The following ATXN7 variants were observed in gnomAD, a reference collection of about 807,000 sequenced individuals.
The protein encoded by ATXN7 is ataxin 7.
ATXN7 carries 12 observed loss-of-function variants against 70.5 expected under a neutral mutation model. The observed-to-expected ratio is 0.17, with a 90% CI of 0.11 to 0.28. The LOEUF (loss-of-function observed/expected upper bound fraction) is 0.28. Ranked by LOEUF, ATXN7 falls within the 10% of genes least tolerant of loss-of-function variation. The probability of loss-of-function intolerance (pLI) is 1.00; values close to 1 mark genes in which losing one functional copy is unlikely to be tolerated. For missense variants in ATXN7, 1,256 were observed against 1,131.7 expected (o/e 1.11, Z -1.58); for synonymous variants, 498 against 448.7 (o/e 1.11, Z -1.39).
chr3:63,930,098 A>T (rs570431588), intron 4 of ATXN7, among the ~76,000 whole-genome samples: 1 of 152,186 alleles, frequency 6.6e-6, no homozygotes, highest in East Asian at 1.9e-4. Context: ...AACATGAAAA[A>T]TGGGTCTTAA....
chr3:63,868,320 C>G (rs776026796), intron 1 of ATXN7, among the ~76,000 whole-genome samples: 2 of 152,180 alleles, frequency 1.3e-5, no homozygotes, highest in African/African-American at 2.4e-5. Context: ...CCCTGCTTGA[C>G]TCTTCAGTTA....
chr3:63,924,023 G>A (rs77242762), intron 4 of ATXN7, among the ~76,000 whole-genome samples: 3,456 of 152,236 alleles, frequency 0.023, 118 homozygotes, highest in East Asian at 0.14. Flanking sequence ...AATATGTGGA[G>A]GGACTGGCTG....
At chr3:63,943,161 C>T (rs1430541425) in intron 4 of ATXN7, among the ~76,000 whole-genome samples, 1 of 152,186 alleles carries the variant, frequency 6.6e-6, no homozygotes, top group African/African-American at 2.4e-5. Flanking sequence ...GAGCTCAAGC[C>T]TAGAGCCAGG....
At chr3:63,917,388 T>G (rs1470928245) in intron 4 of ATXN7, among the ~76,000 whole-genome samples, 1 of 152,236 alleles carries the variant, frequency 6.6e-6, no homozygotes, top group Non-Finnish European at 1.5e-5. Context: ...ATGTTTAGAT[T>G]GAATTAATTG....
intron 11 of ATXN7, among the ~76,000 whole-genome samples, chr3:63,995,013 C>T: frequency 6.6e-6 from 1 of 152,194 alleles, no homozygotes; most frequent in Non-Finnish European, 1.5e-5. Flanking sequence ...TGCACCCTTC[C>T]TTTTCTCTCA....
At position 63,998,576 on chromosome 3, in the gene ATXN7, A is replaced by G. The variant is rs966360953; in HGVS notation, c.2662-874A>G. Reference sequence around the variant, plus strand: ...AATCAGTTAAAATCAGTTTCCACTTAAGTTTGTGTTTGAGAGAGATTTTCT... The same window carrying G: ...AATCAGTTAAAATCAGTTTCCACTTGAGTTTGTGTTTGAGAGAGATTTTCT... On this transcript the variant is annotated intron_variant, in intron 12 of 12. Transcript: ENST00000674280. 4 of 985,174 alleles carry G rather than the reference A, an allele frequency of 4.1e-6. No homozygotes were observed. In the African/African-American group the frequency reaches 7.0e-5, roughly 17 times the overall value. 61.0% of individuals were successfully genotyped at this position (985,174 alleles called of 1,614,324 possible).
At chr3:63,971,345 G>C (rs969285837) in intron 5 of ATXN7, among the ~76,000 whole-genome samples, 3 of 152,252 alleles carry the variant, frequency 2.0e-5, no homozygotes, top group Non-Finnish European at 2.9e-5. Context: ...CCACCGACTT[G>C]CTTCCTTTTA....
rs2075852166 is a variant in ATXN7 at position 64,003,099 on chromosome 3, G to GA, written c.*3636dup. 3 of 150,448 alleles carry GA rather than the reference G, an allele frequency of 2.0e-5. No individual in the cohort carries two copies. In the Admixed American group the frequency reaches 2.0e-4, roughly 10 times the overall value. The allele number at this position is 150,448 out of a possible 1,614,324, so 9.3% of individuals were successfully genotyped here. A position where few individuals can be genotyped will look rare whatever the true frequency, so the allele number is the denominator to read the frequency against. The stretch of plus-strand genomic sequence containing the variant: ...AATATTCTTAAAAGTTTGTTTAGCA[G>GA]AAAATAATCACTTTTACATTTTGTG... On this transcript the variant is annotated 3_prime_UTR_variant, in exon 13 of 13. Coordinates refer to ENST00000674280, the MANE Select transcript of ATXN7 (RefSeq NM_001377405.1).
intron 4 of ATXN7, among the ~76,000 whole-genome samples, chr3:63,930,838 A>C (rs1023055686): frequency 6.6e-6 from 1 of 152,118 alleles, no homozygotes; most frequent in African/African-American, 2.4e-5. Flanking sequence ...CAAGTTTACA[A>C]AATTTTTAAT....
intron 2 of ATXN7, among the ~76,000 whole-genome samples, chr3:63,907,517 T>G (rs11720813): frequency 6.7e-6 from 1 of 148,494 alleles, no homozygotes; most frequent in Admixed American, 6.9e-5. Flanking sequence ...TGGAGTACAG[T>G]GGCACGATCT....
At chr3:63,894,696 TA>T (rs1422624787) in intron 1 of ATXN7, among the ~76,000 whole-genome samples, 1 of 152,132 alleles carries the variant, frequency 6.6e-6, no homozygotes. Flanking sequence ...GGCTAGTTTT[TA>T]AAAATTTTCT....
intron 4 of ATXN7, among the ~76,000 whole-genome samples, chr3:63,924,520 G>A (rs924576352): frequency 3.3e-5 from 5 of 152,172 alleles, no homozygotes; most frequent in South Asian, 4.1e-4. Flanking sequence ...GTGGGTGGGC[G>A]AGGAGGACTC....
chr3:63,867,265 G>A (rs904791678), intron 1 of ATXN7, among the ~76,000 whole-genome samples: 1 of 152,016 alleles, frequency 6.6e-6, no homozygotes, highest in Non-Finnish European at 1.5e-5. Context: ...AAGAGATCCA[G>A]GACTTAAAAA....
chr3:63,986,841 G>C (rs3774724), intron 8 of ATXN7, among the ~76,000 whole-genome samples: 1 of 152,156 alleles, frequency 6.6e-6, no homozygotes, highest in Non-Finnish European at 1.5e-5. Context: ...AGTCCCTAAA[G>C]TTGTACCAAC....
intron 5 of ATXN7, among the ~76,000 whole-genome samples, chr3:63,978,506 G>T (rs2075429287): frequency 6.6e-6 from 1 of 152,172 alleles, no homozygotes; most frequent in Non-Finnish European, 1.5e-5. Context: ...ATAAAAGAGA[G>T]AAAAACTAAA....
chr3:63,955,896 A>G (rs1373736884), intron 5 of ATXN7, among the ~76,000 whole-genome samples: 1 of 152,232 alleles, frequency 6.6e-6, no homozygotes, highest in African/African-American at 2.4e-5. Context: ...AAAACATGCT[A>G]CCGTGGCAGC....
At chr3:63,896,892 G>C (rs746506508) in intron 1 of ATXN7, among the ~76,000 whole-genome samples, 1 of 152,150 alleles carries the variant, frequency 6.6e-6, no homozygotes, top group Non-Finnish European at 1.5e-5. Context: ...GGATACTTTG[G>C]AGAAATAGCA....
At chr3:63,958,969 A>T (rs1330827837) in intron 5 of ATXN7, among the ~76,000 whole-genome samples, 1 of 152,232 alleles carries the variant, frequency 6.6e-6, no homozygotes, top group Middle Eastern at 3.2e-3. Flanking sequence ...CAAAACTATC[A>T]TTAGTGACAG....
At chr3:63,916,105 A>G (rs1197959047) in intron 4 of ATXN7, among the ~76,000 whole-genome samples, 1 of 152,210 alleles carries the variant, frequency 6.6e-6, no homozygotes, top group African/African-American at 2.4e-5. Flanking sequence ...TTAACCTTGC[A>G]TTAGTTATTT....
Sources: allele counts gnomAD v4.1 joint callset (sites outside exome capture counted in the v4.1 genomes callset), GRCh38; gene constraint gnomAD v4.1.1; transcripts MANE v1.5; gene names NCBI Gene and HGNC (gene_info 2026-07-23, HGNC 2026-07-21).